Variants in MAN2A1 observed in about 807,000 individuals in gnomAD.
MAN2A1 encodes the protein alpha-mannosidase 2.
In MAN2A1, 76 loss-of-function variants were observed where a neutral mutation model predicts 142.6. The observed-to-expected ratio is 0.53, with a 90% CI of 0.44 to 0.65. The LOEUF (loss-of-function observed/expected upper bound fraction) is 0.65. MAN2A1 is among the 30% of genes least tolerant of loss of function. The pLI is 0.00. For synonymous variants in MAN2A1, 559 were observed against 473.2 expected, an observed-to-expected ratio of 1.18 and a Z score of -2.35; for missense variants, 1,311 against 1,365.1, an observed-to-expected ratio of 0.96 and a Z score of 0.62.
chr5:109,814,193 A>G (rs1164665990), intron 12 of MAN2A1, among the ~76,000 whole-genome samples: 1 of 152,216 alleles, frequency 6.6e-6, no homozygotes, highest in Non-Finnish European at 1.5e-5. Flanking sequence ...TTCTGAAGAT[A>G]TAAACATAAT....
At chr5:109,846,985 G>T (rs1429793666) in intron 18 of MAN2A1, among the ~76,000 whole-genome samples, 1 of 140,352 alleles carries the variant, frequency 7.1e-6, no homozygotes, top group African/African-American at 2.8e-5. Flanking sequence ...TGTGGTTAGG[G>T]GCCCAGTGTT....
At position 109,690,330 on chromosome 5, in the gene MAN2A1, G is replaced by A. The variant is rs900056284; in HGVS notation, c.-88G>A. 2.1e-6 allele frequency: 3 copies of A among 1,432,130 alleles called. No homozygotes were observed. The highest frequency in any genetic ancestry group is 2.8e-5 in the African/African-American group (2 of 71,110). The allele number at this position is 1,432,130 out of a possible 1,614,324, so 88.7% of individuals were successfully genotyped here. On this transcript the variant is annotated 5_prime_UTR_variant, in exon 1 of 22. Coordinates refer to ENST00000261483, the MANE Select transcript of MAN2A1 (RefSeq NM_002372.4). ...GGAGGTCGCGCAGCCCGGGAGAAGG[G>A]AGCCTCCGGCGGCTGCTTCCTAGAG...
chr5:109,817,403 G>C lies in MAN2A1; in HGVS notation c.2074G>C (p.Asp692His). The change falls in exon 13 of 22, where the codon GAT (aspartate) becomes CAT (histidine). Residue 692 changes from aspartate (D) to histidine (H), a missense_variant. Asp to His is a moderately conservative substitution (Grantham distance 81). This residue lies in a region of MAN2A1 where 890 missense variants were observed against 920.5 expected (regional missense o/e 0.97). Coordinates refer to ENST00000261483, the MANE Select transcript of MAN2A1 (RefSeq NM_002372.4). Reference protein sequence around the residue: ...PVEVQVSAVWDTANTISETAY... With the variant: ...PVEVQVSAVWHTANTISETAY... ...GGAAGTTCAAGTCAGCGCAGTTTGG[G>C]ATACAGCAAATACTATTTCAGAAAC... 6.2e-7 allele frequency: 1 copy of C among 1,613,970 alleles called. No individual in the cohort carries two copies. Among genetic ancestry groups the C allele is most frequent in the Non-Finnish European group, 8.5e-7 (1 of 1,179,966 alleles).
At position 109,867,151 on chromosome 5, in the gene MAN2A1, C is replaced by G. The variant is rs1306448857; in HGVS notation, c.*153C>G. On this transcript the variant is annotated 3_prime_UTR_variant, in exon 22 of 22. Transcript: ENST00000261483. ...TTTTTTCTTTTTTCTTTTACCAGTACAGTAAGAAAAAAAAAAAAAAAAAAA... is the reference window on the plus strand; with the variant it reads ...TTTTTTCTTTTTTCTTTTACCAGTAGAGTAAGAAAAAAAAAAAAAAAAAAA... 3 of 143,758 alleles carry G rather than the reference C, an allele frequency of 2.1e-5. No homozygotes were observed. The highest frequency in any genetic ancestry group is 1.7e-3 in the Middle Eastern group (1 of 576). The allele number at this position is 143,758 out of a possible 1,614,324, so 8.9% of individuals were successfully genotyped here.
intron 12 of MAN2A1, among the ~76,000 whole-genome samples, chr5:109,808,003 A>G (rs1173373975): frequency 6.6e-6 from 1 of 152,186 alleles, no homozygotes; most frequent in African/African-American, 2.4e-5. Flanking sequence ...TTTTCCATCA[A>G]CTGCACAAAA....
rs1554082232 is a variant in MAN2A1, at chr5:109,831,804, C to CGT, written c.2566+7967_2566+7968insGT. On this transcript the variant is annotated intron_variant, in intron 16 of 21. Coordinates refer to ENST00000261483, the MANE Select transcript of MAN2A1 (RefSeq NM_002372.4). The stretch of plus-strand genomic sequence containing the variant: ...TTCATTACTTCTCTAAAACAAAAAT[C>CGT]ATGTGTGTGTGTGTGTGTGTGTGTG... 5.4e-3 allele frequency among the ~76,000 whole-genome samples: 799 copies of CGT among 148,474 alleles called. 5 individuals carry two copies. The highest frequency in any genetic ancestry group is 0.018 in the African/African-American group (701 of 39,554).
At chr5:109,861,534 G>C (rs1755760129) in intron 20 of MAN2A1, among the ~76,000 whole-genome samples, 1 of 152,160 alleles carries the variant, frequency 6.6e-6, no homozygotes, top group South Asian at 2.1e-4. Context: ...TTGTCTGTTT[G>C]CCAGGCATTG....
At chr5:109,718,866 A>G (rs1356020842) in intron 3 of MAN2A1, among the ~76,000 whole-genome samples, 2 of 152,160 alleles carry the variant, frequency 1.3e-5, no homozygotes, top group African/African-American at 4.8e-5. Context: ...AAATAAGTTA[A>G]TGAGCTAATG....
At chr5:109,804,141 C>T (rs1554080154) in intron 12 of MAN2A1, 1 of 986,602 alleles carries the variant, frequency 1.0e-6, no homozygotes, top group Non-Finnish European at 1.2e-6. Context: ...ATTTTTTTTC[C>T]TTCTAAATGC....
intron 10 of MAN2A1, among the ~76,000 whole-genome samples, chr5:109,788,534 T>TGA (rs1561512476): frequency 6.6e-6 from 1 of 151,934 alleles, no homozygotes; most frequent in African/African-American, 2.4e-5. Context: ...TGAGCTGAAT[T>TGA]ATCTCATGTT....
chr5:109,726,637 A>G (rs1006084834), intron 3 of MAN2A1, among the ~76,000 whole-genome samples: 2 of 152,216 alleles, frequency 1.3e-5, no homozygotes. Context: ...GAAAACTCCC[A>G]TGATAAACTC....
At chr5:109,837,710 G>A (rs1000312671) in intron 16 of MAN2A1, among the ~76,000 whole-genome samples, 2 of 152,128 alleles carry the variant, frequency 1.3e-5, no homozygotes, top group Non-Finnish European at 2.9e-5. Context: ...CCTTCACTCA[G>A]TATACGTTTA....
chr5:109,770,667 A>G lies in MAN2A1; in HGVS notation c.1196+126A>G, dbSNP rs553920318. 1.3e-5 allele frequency: 11 copies of G among 838,482 alleles called. No individual in the cohort carries two copies. The East Asian group carries it at 2.4e-4, about 18-fold the overall frequency. 51.9% of individuals were successfully genotyped at this position (838,482 alleles called of 1,614,324 possible). A position where few individuals can be genotyped will look rare whatever the true frequency, so the allele number is the denominator to read the frequency against. On this transcript the variant is annotated intron_variant, in intron 7 of 21. Transcript: ENST00000261483. The stretch of plus-strand genomic sequence containing the variant: ...TATCCTTGTTTGAAGTATTCATTCA[A>G]ACCAGATCTAAAGCAACTTAAAAAT...
At chr5:109,784,958 A>C (rs1204324368) in intron 10 of MAN2A1, 32 bp downstream of exon 10, 2 of 1,465,750 alleles carry the variant, frequency 1.4e-6, no homozygotes, top group Non-Finnish European at 1.8e-6. Flanking sequence ...CATCTTTAAA[A>C]AAATCATTAA....
intron 2 of MAN2A1, among the ~76,000 whole-genome samples, chr5:109,714,805 G>A (rs891758456): frequency 4.6e-5 from 7 of 152,194 alleles, no homozygotes; most frequent in Non-Finnish European, 8.8e-5. Context: ...TGGAAGCTGG[G>A]GACAGTGGAG....
At chr5:109,836,173 G>A (rs551605999) in intron 16 of MAN2A1, among the ~76,000 whole-genome samples, 9 of 151,968 alleles carry the variant, frequency 5.9e-5, no homozygotes, top group African/African-American at 2.2e-4. Flanking sequence ...GCAGTGGCGC[G>A]ATCTTGGCTT....
intron 4 of MAN2A1, among the ~76,000 whole-genome samples, chr5:109,736,751 A>T (rs1047631973): frequency 6.6e-6 from 1 of 151,844 alleles, no homozygotes; most frequent in Non-Finnish European, 1.5e-5. Context: ...CCCTCCTAGA[A>T]CCTGTTTATA....
At chr5:109,795,551 A>G (rs77280744) in intron 12 of MAN2A1, among the ~76,000 whole-genome samples, 3 of 152,164 alleles carry the variant, frequency 2.0e-5, no homozygotes, top group South Asian at 2.1e-4. Context: ...TATTATCACA[A>G]TCTAAGATGT....
intron 19 of MAN2A1, chr5:109,854,062 C>A (rs976110235): frequency 1.3e-5 from 2 of 152,124 alleles, no homozygotes; most frequent in African/African-American, 4.8e-5. Flanking sequence ...CTCTATAAAT[C>A]CTGTCTTTTC....
Sources: allele counts gnomAD v4.1 joint callset (sites outside exome capture counted in the v4.1 genomes callset), GRCh38; gene constraint gnomAD v4.1.1; regional missense constraint gnomAD v4.1.1; transcripts MANE v1.5; gene names NCBI Gene and HGNC (gene_info 2026-07-23, HGNC 2026-07-21).